Variants in GRM1 observed in about 807,000 individuals in gnomAD.
GRM1 encodes glutamate metabotropic receptor 1.
In GRM1, 33 loss-of-function variants were observed where a neutral mutation model predicts 90.9. The observed-to-expected ratio is 0.36, with a 90% CI of 0.28 to 0.49. The LOEUF (loss-of-function observed/expected upper bound fraction) is 0.49, where lower values mean the gene tolerates loss of function less well. Ranked by LOEUF, GRM1 falls within the 20% of genes least tolerant of loss-of-function variation. GRM1 has a pLI of 0.99. For synonymous variants in GRM1, 700 were observed against 613.2 expected, an observed-to-expected ratio of 1.14 and a Z score of -2.09; for missense variants, 1,190 against 1,534.3, an observed-to-expected ratio of 0.78 and a Z score of 3.75.
At chr6:146,352,602 A>G (rs1785446162) in intron 4 of GRM1, 106 bp downstream of exon 4, 4 of 1,144,364 alleles carry the variant, frequency 3.5e-6, no homozygotes, top group Non-Finnish European at 5.3e-6. Context: ...TGCCATGAGG[A>G]TAGATACAAC....
intron 2 of GRM1, among the ~76,000 whole-genome samples, chr6:146,222,811 C>T (rs1204294488): frequency 6.6e-6 from 1 of 152,008 alleles, no homozygotes; most frequent in African/African-American, 2.4e-5. Context: ...AAATGAGTTT[C>T]TAAGTCAGAA....
chr6:146,243,855 C>T (rs567629205), intron 2 of GRM1, among the ~76,000 whole-genome samples: 7 of 152,190 alleles, frequency 4.6e-5, no homozygotes, highest in South Asian at 2.1e-4. Context: ...TATCTACATC[C>T]GTATAAGACA....
intron 2 of GRM1, among the ~76,000 whole-genome samples, chr6:146,278,895 C>T (rs188861276): frequency 1.3e-5 from 2 of 152,052 alleles, no homozygotes; most frequent in East Asian, 1.9e-4. Flanking sequence ...TTAGTAGAGT[C>T]GGGGTTTCAC....
chr6:146,427,139 G>A (rs1267689486), intron 7 of GRM1, among the ~76,000 whole-genome samples: 2 of 152,028 alleles, frequency 1.3e-5, no homozygotes, highest in Admixed American at 1.3e-4. Context: ...TCTGCTGGGT[G>A]CCTCCCACAC....
chr6:146,331,791 GTTTATT>G (rs1486479155), intron 3 of GRM1, among the ~76,000 whole-genome samples: 2 of 152,072 alleles, frequency 1.3e-5, no homozygotes, highest in African/African-American at 4.8e-5. Context: ...TCCCAAACAT[GTTTATT>G]TTTGAAGGTG....
intron 1 of GRM1, among the ~76,000 whole-genome samples, chr6:146,047,913 A>C (rs929499854): frequency 5.9e-5 from 9 of 152,006 alleles, no homozygotes; most frequent in Admixed American, 2.0e-4. Context: ...GCATATTTCC[A>C]CCTGACACCT....
At chr6:146,186,911 G>A (rs2114566653) in intron 2 of GRM1, among the ~76,000 whole-genome samples, 1 of 152,268 alleles carries the variant, frequency 6.6e-6, no homozygotes, top group South Asian at 2.1e-4. Context: ...AGTGCAACTG[G>A]GAATTATGGC....
intron 1 of GRM1, among the ~76,000 whole-genome samples, chr6:146,105,587 ACTAT>A (rs1173411119): frequency 1.3e-5 from 2 of 152,182 alleles, no homozygotes; most frequent in Non-Finnish European, 2.9e-5. Flanking sequence ...AAAAAGATAA[ACTAT>A]CTAAAAGGAC....
chr6:146,405,404 G>T (rs1777310078), intron 7 of GRM1, among the ~76,000 whole-genome samples: 1 of 152,148 alleles, frequency 6.6e-6, no homozygotes, highest in South Asian at 2.1e-4. Flanking sequence ...AAAGAATGTG[G>T]GAAATAAAAG....
At chr6:146,085,465 T>C (rs1317574008) in intron 1 of GRM1, among the ~76,000 whole-genome samples, 1 of 152,166 alleles carries the variant, frequency 6.6e-6, no homozygotes, top group African/African-American at 2.4e-5. Context: ...TGCCTCTGCA[T>C]GACCAGCTGT....
intron 2 of GRM1, among the ~76,000 whole-genome samples, chr6:146,294,990 T>C (rs1363046181): frequency 6.6e-6 from 1 of 152,084 alleles, no homozygotes; most frequent in African/African-American, 2.4e-5. Context: ...GTCTGTTTTT[T>C]TTTAACCTGT....
chr6:146,404,544 A>G (rs1235170068), intron 7 of GRM1, among the ~76,000 whole-genome samples: 1 of 152,182 alleles, frequency 6.6e-6, no homozygotes, highest in East Asian at 1.9e-4. Flanking sequence ...TAGCATTTGA[A>G]CTTGACCATA....
intron 2 of GRM1, among the ~76,000 whole-genome samples, chr6:146,244,166 G>A (rs952738849): frequency 6.6e-6 from 1 of 152,014 alleles, no homozygotes; most frequent in Non-Finnish European, 1.5e-5. Flanking sequence ...GGGTCCTATG[G>A]TGACATACAT....
At chr6:146,324,868 C>T (rs141812867) in intron 3 of GRM1, among the ~76,000 whole-genome samples, 15 of 152,262 alleles carry the variant, frequency 9.9e-5, no homozygotes, top group East Asian at 1.9e-4. Context: ...TGTTCCCATT[C>T]GGCCATCTTG....
chr6:146,191,050 C>T (rs1003140015), intron 2 of GRM1, among the ~76,000 whole-genome samples: 3 of 152,168 alleles, frequency 2.0e-5, no homozygotes, highest in Non-Finnish European at 4.4e-5. Context: ...CTCTCTCTCA[C>T]CTCTGTGCCT....
chr6:146,052,441 C>T (rs1775325837), intron 1 of GRM1, among the ~76,000 whole-genome samples: 3 of 151,970 alleles, frequency 2.0e-5, no homozygotes, highest in Admixed American at 2.0e-4. Context: ...AAATCAGACT[C>T]AGGTGTTCAC....
intron 5 of GRM1, chr6:146,365,353 C>T (rs1327453955): frequency 1.3e-5 from 2 of 152,232 alleles, no homozygotes; most frequent in East Asian, 3.9e-4. Flanking sequence ...GTAATGCCCA[C>T]ACCTTCACCA....
At chr6:146,097,493 T>C (rs1776910739) in intron 1 of GRM1, among the ~76,000 whole-genome samples, 1 of 152,200 alleles carries the variant, frequency 6.6e-6, no homozygotes, top group African/African-American at 2.4e-5. Flanking sequence ...AATTCTGGAA[T>C]GCATTTGCAA....
chr6:146,122,982 T>A (rs1450687822), intron 1 of GRM1, among the ~76,000 whole-genome samples: 3 of 151,526 alleles, frequency 2.0e-5, no homozygotes, highest in Admixed American at 6.6e-5. Context: ...GTAGCTGGGA[T>A]TACAGGTGCA....
Sources: allele counts gnomAD v4.1 joint callset (sites outside exome capture counted in the v4.1 genomes callset), GRCh38; gene constraint gnomAD v4.1.1; transcripts MANE v1.5; gene names NCBI Gene and HGNC (gene_info 2026-07-23, HGNC 2026-07-21).